Variants in ARSB observed in about 807,000 individuals in gnomAD.
The protein encoded by ARSB is N-acetylgalactosamine-4-sulfatase.
A neutral mutation model predicts 50.9 loss-of-function variants in ARSB; 41 were observed. The ratio of observed to expected loss-of-function variants is 0.81; its 90% CI spans 0.63 to 1.04. The LOEUF (loss-of-function observed/expected upper bound fraction) is 1.04, where lower values mean the gene tolerates loss of function less well. Ranked by LOEUF, ARSB falls within the 50% of genes least tolerant of loss-of-function variation. The pLI is 0.00. For synonymous variants in ARSB, 269 were observed against 284.8 expected (o/e 0.94, Z 0.56); for missense variants, 672 against 693.3 (o/e 0.97, Z 0.35).
At chr5:78,827,285 T>C (rs1253455648) in intron 6 of ARSB, among the ~76,000 whole-genome samples, 1 of 152,030 alleles carries the variant, frequency 6.6e-6, no homozygotes, top group African/African-American at 2.4e-5. Context: ...CTCAGCTCAC[T>C]GCAACCTCTG....
chr5:78,862,345 C>G (rs529496113), intron 5 of ARSB, among the ~76,000 whole-genome samples: 2 of 152,136 alleles, frequency 1.3e-5, no homozygotes, highest in African/African-American at 4.8e-5. Context: ...GGAGGCATCA[C>G]GCTACCTGAC....
intron 4 of ARSB, among the ~76,000 whole-genome samples, chr5:78,894,857 G>C (rs1206370441): frequency 6.6e-6 from 1 of 152,108 alleles, no homozygotes; most frequent in Non-Finnish European, 1.5e-5. Context: ...GTGGGAGTGA[G>C]GGCAGAATCC....
chr5:78,780,664 T>C lies in ARSB; in HGVS notation c.1337-2A>G. 1 of 1,613,974 alleles carries C rather than the reference T, an allele frequency of 6.2e-7. No homozygotes were observed. Among genetic ancestry groups the C allele is most frequent in the African/African-American group, 1.3e-5 (1 of 74,978 alleles). ...GTGGAGGGAACCAGTAACCACAGCC[T>C]AGCAAAGAAAACAAAACAGTTTACT... On this transcript the variant is annotated splice_acceptor_variant, in intron 7 of 7. Transcript: ENST00000264914. LOFTEE classifies it high-confidence loss of function.
chr5:78,962,666 A>G (rs1752043592), intron 3 of ARSB, among the ~76,000 whole-genome samples: 1 of 151,916 alleles, frequency 6.6e-6, no homozygotes, highest in Non-Finnish European at 1.5e-5. Flanking sequence ...TAGCTGGACT[A>G]CAGGCACCCA....
chr5:78,933,082 C>G (rs1411276495), intron 4 of ARSB, among the ~76,000 whole-genome samples: 3 of 152,206 alleles, frequency 2.0e-5, no homozygotes, highest in African/African-American at 7.2e-5. Context: ...AATGTAAACT[C>G]TTGAAAGCAG....
At chr5:78,982,377 T>C (rs560125614) in intron 1 of ARSB, among the ~76,000 whole-genome samples, 1 of 152,216 alleles carries the variant, frequency 6.6e-6, no homozygotes, top group Non-Finnish European at 1.5e-5. Context: ...AACTCAGAAA[T>C]ATGATGGGTT....
chr5:78,858,246 TAA>T (rs1271646481), intron 5 of ARSB, among the ~76,000 whole-genome samples: 3 of 152,332 alleles, frequency 2.0e-5, no homozygotes, highest in African/African-American at 7.2e-5. Context: ...CTTCTATTAA[TAA>T]AAGTTAAACA....
intron 3 of ARSB, among the ~76,000 whole-genome samples, chr5:78,958,685 A>T (rs6887812): frequency 0.042 from 6,405 of 152,266 alleles, 417 homozygotes; most frequent in African/African-American, 0.15. Flanking sequence ...TCTGTTTCTT[A>T]GATTATAGAG....
At position 78,778,441 on chromosome 5, in the gene ARSB, T is replaced by C. The variant is rs967976212; in HGVS notation, c.*1956A>G. ...ATCAGATTATTTGTTGCTTTTAGTT[T>C]CTAGTGTCCCATAAAGTATAGAAAT... is the stretch of plus-strand genomic sequence containing the variant. On this transcript the variant is annotated 3_prime_UTR_variant, in exon 8 of 8. Coordinates refer to ENST00000264914, the MANE Select transcript of ARSB (RefSeq NM_000046.5). The C allele has an allele frequency of 6.6e-6, 1 of 152,214 alleles. No homozygotes were observed. The highest frequency in any genetic ancestry group is 6.5e-5 in the Admixed American group (1 of 15,290). The allele number at this position is 152,214 out of a possible 1,614,324, so 9.4% of individuals were successfully genotyped here.
At chr5:78,784,794 T>C (rs1173380178) in intron 6 of ARSB, among the ~76,000 whole-genome samples, 1 of 150,832 alleles carries the variant, frequency 6.6e-6, no homozygotes, top group Non-Finnish European at 1.5e-5. Context: ...TTGATTTTAT[T>C]AGTCTTTTTT....
intron 5 of ARSB, among the ~76,000 whole-genome samples, chr5:78,861,476 G>A (rs1007302408): frequency 2.5e-4 from 38 of 152,156 alleles, no homozygotes; most frequent in Non-Finnish European, 4.0e-4. Flanking sequence ...ATCAATGAAC[G>A]TAATCCATCA....
In ARSB at chr5:78,777,559, G is replaced by A. The variant is rs1270640753; in HGVS notation, c.*2838C>T. 5 of 152,518 alleles carry A rather than the reference G, an allele frequency of 3.3e-5. No homozygotes were observed. The East Asian group carries it at 9.7e-4, about 29-fold the overall frequency. The allele number at this position is 152,518 out of a possible 1,614,324, so 9.4% of individuals were successfully genotyped here. A position where few individuals can be genotyped will look rare whatever the true frequency, so the allele number is the denominator to read the frequency against. On this transcript the variant is annotated 3_prime_UTR_variant, in exon 8 of 8. Transcript: ENST00000264914. ...TTAAATAAGCAAAACCTTCTGTAAA[G>A]GTAAAAAAATTTGCCGGGCACAGTG...
intron 4 of ARSB, among the ~76,000 whole-genome samples, chr5:78,946,470 G>C (rs1286064118): frequency 1.3e-5 from 2 of 152,088 alleles, no homozygotes; most frequent in Admixed American, 1.3e-4. Context: ...TGCCAACAGT[G>C]AACAATCAGA....
At position 78,814,595 on chromosome 5, in the gene ARSB, T is replaced by C. The variant is rs147535850; in HGVS notation, c.1213+24761A>G. On this transcript the variant is annotated intron_variant, in intron 6 of 7. Transcript: ENST00000264914. ...GAACATTCTTCCTCTTCCCACCTAA[T>C]ATGTCACTGGTTCATCATTTTCTCT... Among the ~76,000 whole-genome samples, 224 of 150,942 alleles carry C rather than the reference T, an allele frequency of 1.5e-3. 10 individuals carry two copies. Among genetic ancestry groups the C allele is most frequent in the African/African-American group, 5.3e-3 (216 of 40,760 alleles).
intron 6 of ARSB, among the ~76,000 whole-genome samples, chr5:78,834,931 C>T (rs577398120): frequency 3.6e-4 from 55 of 151,786 alleles, no homozygotes; most frequent in Non-Finnish European, 6.9e-4. Context: ...AATTTCTCTA[C>T]ATCCTCAACA....
chr5:78,815,145 G>A (rs915924720), intron 6 of ARSB, among the ~76,000 whole-genome samples: 10 of 150,854 alleles, frequency 6.6e-5, no homozygotes, highest in Admixed American at 1.3e-4. Context: ...GAAGTTGACT[G>A]TAGTAAAGCA....
chr5:78,844,358 C>A (rs1745353728), intron 5 of ARSB, among the ~76,000 whole-genome samples: 1 of 152,056 alleles, frequency 6.6e-6, no homozygotes, highest in Admixed American at 6.6e-5. Flanking sequence ...AATGTCTATT[C>A]AGATCATTTG....
rs768770396 is a variant in ARSB at position 78,780,504 on chromosome 5, G to A, written c.1495C>T (p.Leu499=). Residue 499 remains leucine, a synonymous_variant, in exon 8 of 8, where the codon CTG becomes TTG. Transcript: ENST00000264914. ...TTATGGTAGAACTGTAGGCGGGACA[G>A]GAGCTTTGTGACGATGTGAGGATAT... is the stretch of plus-strand genomic sequence containing the variant. ...REYPHIVTKL[L]SRLQFYHKHS... 3.7e-6 allele frequency: 6 copies of A among 1,614,068 alleles called. No individual in the cohort carries two copies. Among genetic ancestry groups the A allele is most frequent in the Non-Finnish European group, 5.1e-6 (6 of 1,180,042 alleles).
intron 4 of ARSB, among the ~76,000 whole-genome samples, chr5:78,928,159 AG>A (rs1426370160): frequency 1.3e-5 from 2 of 152,142 alleles, no homozygotes; most frequent in Non-Finnish European, 2.9e-5. Context: ...TGGGACCTGA[AG>A]AGGGCTGTCT....
Sources: gnomAD v4.1 joint callset for allele counts (sites outside exome capture counted in the v4.1 genomes callset) on GRCh38, gnomAD v4.1.1 for gene constraint, MANE v1.5 for transcripts, NCBI Gene and HGNC (gene_info 2026-07-23, HGNC 2026-07-21) for gene names.